Variants in NCOA3 observed in about 807,000 individuals in gnomAD.
The protein encoded by NCOA3 is nuclear receptor coactivator 3.
A neutral mutation model predicts 158.8 loss-of-function variants in NCOA3; 51 were observed. The observed-to-expected ratio is 0.32, with a 90% CI of 0.26 to 0.41. NCOA3 has a LOEUF of 0.41. NCOA3 is among the 10% of genes least tolerant of loss of function. NCOA3 has a pLI of 1.00. For missense variants in NCOA3, 1,510 were observed against 1,746.6 expected (o/e 0.86, Z 2.41); for synonymous variants, 537 against 592.4 (o/e 0.91, Z 1.36).
At chr20:47,559,096 C>A (rs2085059580) in intron 1 of NCOA3, among the ~76,000 whole-genome samples, 1 of 151,386 alleles carries the variant, frequency 6.6e-6, no homozygotes, top group Admixed American at 6.6e-5. Flanking sequence ...TGTAATGAGC[C>A]TTAAAGGTCC....
Position 47,649,878 on chromosome 20 carries a change from T to C in NCOA3, c.3651+769T>C, listed in dbSNP as rs1341952523. ...GTAGAGCTGAAATCAGCTTCCTTGT[T>C]GTACTTCAGTTATGTCACCTTCTGA... On this transcript the variant is annotated intron_variant, in intron 19 of 22. Coordinates refer to ENST00000371998, the MANE Select transcript of NCOA3 (RefSeq NM_181659.3). 3.3e-5 allele frequency among the ~76,000 whole-genome samples: 5 copies of C among 152,034 alleles called. No homozygotes were observed. The East Asian group carries it at 9.7e-4, about 29-fold the overall frequency.
chr20:47,574,145 G>A (rs751572130), intron 1 of NCOA3, among the ~76,000 whole-genome samples: 7 of 152,058 alleles, frequency 4.6e-5, no homozygotes, highest in Non-Finnish European at 7.4e-5. Context: ...AGATAAAAAG[G>A]CCACGTTTTG....
At chr20:47,517,515 A>T (rs1299674149) in intron 1 of NCOA3, among the ~76,000 whole-genome samples, 1 of 140,458 alleles carries the variant, frequency 7.1e-6, no homozygotes, top group East Asian at 2.1e-4. Context: ...CAGTGGTACG[A>T]TCTTGGCTCA....
chr20:47,556,385 C>T (rs1267240866), intron 1 of NCOA3, among the ~76,000 whole-genome samples: 4 of 152,174 alleles, frequency 2.6e-5, no homozygotes, highest in African/African-American at 9.7e-5. Flanking sequence ...TTAGAATTGA[C>T]TGTAGAAATA....
At chr20:47,642,434 G>A (rs191352067) in intron 17 of NCOA3, 50 bp downstream of exon 17, 173 of 1,332,082 alleles carry the variant, frequency 1.3e-4, no homozygotes, top group Admixed American at 7.4e-4. Context: ...GTGTGTGTGC[G>A]CGCGTACACA....
At chr20:47,505,145 T>A in intron 1 of NCOA3, among the ~76,000 whole-genome samples, 1 of 141,432 alleles carries the variant, frequency 7.1e-6, no homozygotes. Context: ...CACTGCAACC[T>A]CTGCCTCCTG....
Position 47,644,138 on chromosome 20 carries a change from C to A in NCOA3, c.3252+1754C>A, listed in dbSNP as rs929164198. Reference sequence around the variant, plus strand: ...CTGTTGACATGTTGGGCATTAAATTCGTTCTATTTTTTTTTTTTTGAGACG... The same window carrying A: ...CTGTTGACATGTTGGGCATTAAATTAGTTCTATTTTTTTTTTTTTGAGACG... On this transcript the variant is annotated intron_variant, in intron 17 of 22. Coordinates refer to ENST00000371998, the MANE Select transcript of NCOA3 (RefSeq NM_181659.3). Among the ~76,000 whole-genome samples the A allele has an allele frequency of 4.0e-5, 6 of 150,474 alleles. No individual in the cohort carries two copies. The South Asian group carries it at 1.3e-3, about 32-fold the overall frequency.
chr20:47,609,260 T>C (rs2086005770), intron 2 of NCOA3, among the ~76,000 whole-genome samples: 1 of 152,180 alleles, frequency 6.6e-6, no homozygotes. Flanking sequence ...TAGGGGATAC[T>C]ATTTCCTTTT....
At chr20:47,521,791 A>G (rs2084338880) in intron 1 of NCOA3, among the ~76,000 whole-genome samples, 1 of 152,252 alleles carries the variant, frequency 6.6e-6, no homozygotes, top group African/African-American at 2.4e-5. Flanking sequence ...CTCAGGCACC[A>G]TACCATATAG....
intron 3 of NCOA3, among the ~76,000 whole-genome samples, chr20:47,623,282 CTTAT>C (rs1214768875): frequency 6.6e-6 from 1 of 152,052 alleles, no homozygotes; most frequent in East Asian, 1.9e-4. Context: ...TGTTTTTGTT[CTTAT>C]TTGTTAGTTG....
chr20:47,576,508 A>G (rs1197891762), intron 1 of NCOA3, among the ~76,000 whole-genome samples: 1 of 152,178 alleles, frequency 6.6e-6, no homozygotes, highest in Non-Finnish European at 1.5e-5. Flanking sequence ...AAAGAAGATA[A>G]TTACTCGATC....
At position 47,652,754 on chromosome 20, in the gene NCOA3, T is replaced by G. The variant is rs1281500306; in HGVS notation, c.4121+174T>G. ...AGTCCTTCAAGCACGCACATATCTA[T>G]TAGGGTGTCTAGTACAGAAAGCTGT... On this transcript the variant is annotated intron_variant, in intron 21 of 22. Coordinates refer to ENST00000371998, the MANE Select transcript of NCOA3 (RefSeq NM_181659.3). 4.6e-5 allele frequency among the ~76,000 whole-genome samples: 7 copies of G among 152,310 alleles called. No homozygotes were observed. In the East Asian group the frequency reaches 5.8e-4, roughly 13 times the overall value.
At chr20:47,541,262 C>T (rs1415945442) in intron 1 of NCOA3, among the ~76,000 whole-genome samples, 2 of 150,788 alleles carry the variant, frequency 1.3e-5, no homozygotes, top group Admixed American at 6.7e-5. Flanking sequence ...TCATGATTAA[C>T]TTCTAAAGGG....
At chr20:47,521,287 C>T (rs553425036) in intron 1 of NCOA3, among the ~76,000 whole-genome samples, 2 of 152,294 alleles carry the variant, frequency 1.3e-5, no homozygotes, top group South Asian at 4.1e-4. Context: ...ACAGGCAAGC[C>T]CCCAAATTTG....
At chr20:47,639,307 C>T (rs770462357) in intron 14 of NCOA3, 105 bp downstream of exon 14, 17 of 1,022,166 alleles carry the variant, frequency 1.7e-5, no homozygotes, top group Admixed American at 2.5e-5. Context: ...TTTTGAATAA[C>T]GTTAGTATGT....
At chr20:47,598,543 G>A (rs2085802343) in intron 2 of NCOA3, among the ~76,000 whole-genome samples, 1 of 151,958 alleles carries the variant, frequency 6.6e-6, no homozygotes, top group Admixed American at 6.6e-5. Flanking sequence ...CACCATGTTG[G>A]CCAAGCTGGT....
chr20:47,606,686 C>T (rs978966211), intron 2 of NCOA3, among the ~76,000 whole-genome samples: 2 of 152,204 alleles, frequency 1.3e-5, no homozygotes, highest in Non-Finnish European at 2.9e-5. Context: ...AAAGCACTTG[C>T]GCAGTTTGCG....
At position 47,632,381 on chromosome 20, in the gene NCOA3, GTTTT is replaced by G. The variant is rs34786220; in HGVS notation, c.824-1099_824-1096del. 3.7e-5 allele frequency among the ~76,000 whole-genome samples: 5 copies of G among 135,136 alleles called. No homozygotes were observed. The East Asian group carries it at 8.5e-4, about 23-fold the overall frequency. 88.7% of individuals were successfully genotyped at this position (135,136 alleles called of 152,430 possible). On this transcript the variant is annotated intron_variant, in intron 8 of 22. Coordinates refer to ENST00000371998, the MANE Select transcript of NCOA3 (RefSeq NM_181659.3). ...GCTCATCAAATCTCTTGTTCAAGAG[GTTTT>G]TTTTTTTTTTTTTTTAATTGGAGAT...
chr20:47,594,545 A>G (rs1408464177), intron 2 of NCOA3, among the ~76,000 whole-genome samples: 3 of 151,478 alleles, frequency 2.0e-5, no homozygotes, highest in African/African-American at 7.3e-5. Context: ...GGCACCTGTA[A>G]TCCCAGCTAC....
Sources: allele counts gnomAD v4.1 joint callset (sites outside exome capture counted in the v4.1 genomes callset), GRCh38; gene constraint gnomAD v4.1.1; transcripts MANE v1.5; gene names NCBI Gene and HGNC (gene_info 2026-07-23, HGNC 2026-07-21).